Variants in NT5DC1 observed in about 807,000 individuals in gnomAD.
NT5DC1 encodes 5'-nucleotidase domain containing 1.
A neutral mutation model predicts 59.4 loss-of-function variants in NT5DC1; 42 were observed. The observed-to-expected ratio is 0.71, with a 90% CI of 0.55 to 0.92. The LOEUF (loss-of-function observed/expected upper bound fraction) is 0.92, where lower values mean the gene tolerates loss of function less well. NT5DC1 is among the 40% of genes least tolerant of loss of function. The pLI is 0.00. For missense variants in NT5DC1, 501 were observed against 537.1 expected, an observed-to-expected ratio of 0.93 and a Z score of 0.66; for synonymous variants, 172 against 188.1, an observed-to-expected ratio of 0.91 and a Z score of 0.70.
chr6:116,244,563 G>GTTGTTATCTT lies in NT5DC1; in HGVS notation c.*552_*561dup, dbSNP rs1322244208. ...TTGGTCTGGGTAAATATGGCTGAGCGTTGTTATCTTTTGTTATCTTTTATA... is the reference window on the plus strand; with the variant it reads ...TTGGTCTGGGTAAATATGGCTGAGCGTTGTTATCTTTTGTTATCTTTTGTTATCTTTTATA... On this transcript the variant is annotated 3_prime_UTR_variant, in exon 12 of 12. Transcript: ENST00000319550. 6.6e-6 allele frequency: 1 copy of GTTGTTATCTT among 152,212 alleles called. No homozygotes were observed. Among genetic ancestry groups the GTTGTTATCTT allele is most frequent in the Non-Finnish European group, 1.5e-5 (1 of 68,072 alleles). 9.4% of individuals were successfully genotyped at this position (152,212 alleles called of 1,614,324 possible).
intron 6 of NT5DC1, among the ~76,000 whole-genome samples, chr6:116,140,122 T>A (rs1779728786): frequency 6.6e-6 from 1 of 152,182 alleles, no homozygotes; most frequent in South Asian, 2.1e-4. Context: ...AATGCCGCCC[T>A]CCTATGGACA....
chr6:116,226,845 A>AT (rs1181443352), intron 8 of NT5DC1, among the ~76,000 whole-genome samples: 9 of 151,886 alleles, frequency 5.9e-5, no homozygotes, highest in African/African-American at 2.2e-4. Context: ...TATTTCATTT[A>AT]TTTTTTAATT....
At chr6:116,155,264 TCTCCAGACTG>T (rs1407771552) in intron 6 of NT5DC1, among the ~76,000 whole-genome samples, 2 of 152,168 alleles carry the variant, frequency 1.3e-5, no homozygotes, top group East Asian at 3.8e-4. Context: ...TTTCCTAATG[TCTCCAGACTG>T]CTCCAGATAT....
chr6:116,165,916 C>T (rs1780451501), intron 6 of NT5DC1, among the ~76,000 whole-genome samples: 1 of 152,206 alleles, frequency 6.6e-6, no homozygotes, highest in South Asian at 2.1e-4. Context: ...AATGAATGCA[C>T]AACCAGTATG....
At chr6:116,125,276 T>C (rs1332227978) in intron 6 of NT5DC1, 6 of 1,564,534 alleles carry the variant, frequency 3.8e-6, no homozygotes, top group African/African-American at 2.7e-5. Flanking sequence ...TTAAAGAGAT[T>C]ATTAAGATTA....
chr6:116,246,263 T>C lies in NT5DC1; in HGVS notation c.*2239T>C, dbSNP rs1412117955. ...AGCGGAGGTTTTCTTTGCTGGCCAC[T>C]GTTTATCGCATCAGCAGAGGAAAGA... is the stretch of plus-strand genomic sequence containing the variant. On this transcript the variant is annotated 3_prime_UTR_variant, in exon 12 of 12. Transcript: ENST00000319550. 6.6e-6 allele frequency: 1 copy of C among 152,098 alleles called. No homozygotes were observed. Among genetic ancestry groups the C allele is most frequent in the Non-Finnish European group, 1.5e-5 (1 of 67,986 alleles). 9.4% of individuals were successfully genotyped at this position (152,098 alleles called of 1,614,324 possible).
intron 1 of NT5DC1, among the ~76,000 whole-genome samples, chr6:116,104,894 T>A (rs1355254362): frequency 6.6e-6 from 1 of 152,140 alleles, no homozygotes; most frequent in East Asian, 1.9e-4. Flanking sequence ...GTCAGTGATT[T>A]TCAGTGTTCT....
At chr6:116,153,706 CAGTT>C (rs1780110218) in intron 6 of NT5DC1, among the ~76,000 whole-genome samples, 1 of 152,050 alleles carries the variant, frequency 6.6e-6, no homozygotes, top group African/African-American at 2.4e-5. Context: ...TGGCAACAGA[CAGTT>C]GGAGTTCAGT....
intron 6 of NT5DC1, among the ~76,000 whole-genome samples, chr6:116,132,929 G>A (rs563305425): frequency 1.3e-5 from 2 of 152,254 alleles, no homozygotes; most frequent in Non-Finnish European, 2.9e-5. Context: ...ATCTATTTGT[G>A]TAAATAGTCT....
At chr6:116,145,989 C>T (rs1050024386) in intron 6 of NT5DC1, among the ~76,000 whole-genome samples, 6 of 152,286 alleles carry the variant, frequency 3.9e-5, no homozygotes, top group African/African-American at 1.4e-4. Flanking sequence ...GAAATCTTTC[C>T]TTACTTACTT....
chr6:116,206,936 GT>G (rs1298424301), intron 6 of NT5DC1, among the ~76,000 whole-genome samples: 1 of 151,832 alleles, frequency 6.6e-6, no homozygotes, highest in Non-Finnish European at 1.5e-5. Flanking sequence ...GATTTTAAAT[GT>G]TTTCTTCTTG....
intron 6 of NT5DC1, among the ~76,000 whole-genome samples, chr6:116,162,764 G>C (rs1453961763): frequency 6.6e-6 from 1 of 152,104 alleles, no homozygotes; most frequent in African/African-American, 2.4e-5. Context: ...GCTGGATCTT[G>C]TTATTAGCAT....
At chr6:116,216,198 A>G (rs1006742497) in intron 6 of NT5DC1, among the ~76,000 whole-genome samples, 1 of 152,184 alleles carries the variant, frequency 6.6e-6, no homozygotes, top group South Asian at 2.1e-4. Flanking sequence ...TAACATGTAC[A>G]AGGCTATATG....
At chr6:116,127,651 CTT>C (rs1237131302) in intron 6 of NT5DC1, among the ~76,000 whole-genome samples, 7 of 151,990 alleles carry the variant, frequency 4.6e-5, no homozygotes, top group Non-Finnish European at 8.8e-5. Flanking sequence ...GGTGAGGTAA[CTT>C]TATGGATGCT....
At chr6:116,101,840 C>A (rs1390067436) in intron 1 of NT5DC1, among the ~76,000 whole-genome samples, 32 of 152,088 alleles carry the variant, frequency 2.1e-4, no homozygotes, top group Admixed American at 2.1e-3. Context: ...TTTTTTTAGT[C>A]CAAGATCTAA....
At chr6:116,162,003 A>G (rs1780345398) in intron 6 of NT5DC1, among the ~76,000 whole-genome samples, 1 of 152,114 alleles carries the variant, frequency 6.6e-6, no homozygotes, top group African/African-American at 2.4e-5. Context: ...ACCATCTTAA[A>G]TGTATTCCTA....
intron 6 of NT5DC1, among the ~76,000 whole-genome samples, chr6:116,207,465 G>C (rs538159085): frequency 3.2e-4 from 49 of 151,776 alleles, no homozygotes; most frequent in South Asian, 8.3e-4. Flanking sequence ...TTATTTTTCA[G>C]ATTTTTTTTC....
chr6:116,120,976 A>C (rs1447481571), intron 6 of NT5DC1: 2 of 1,612,220 alleles, frequency 1.2e-6, no homozygotes, highest in Non-Finnish European at 1.7e-6. Context: ...ACCCAGGGGA[A>C]CCCCTTTCAC....
intron 6 of NT5DC1, among the ~76,000 whole-genome samples, chr6:116,214,655 A>C (rs1781655244): frequency 6.6e-6 from 1 of 152,054 alleles, no homozygotes; most frequent in Non-Finnish European, 1.5e-5. Context: ...ATTCTAATTT[A>C]CCTTCATTTT....
Sources: gnomAD v4.1 joint callset for allele counts (sites outside exome capture counted in the v4.1 genomes callset) on GRCh38, gnomAD v4.1.1 for gene constraint, MANE v1.5 for transcripts, NCBI Gene and HGNC (gene_info 2026-07-23, HGNC 2026-07-21) for gene names.